Variants in GALNT13 observed in about 807,000 individuals in gnomAD.
GALNT13 encodes polypeptide N-acetylgalactosaminyltransferase 13, also known as UDP-GalNAc:polypeptide N-acetylgalactosaminyltransferase 13.
Under a neutral mutation model 64.2 loss-of-function variants are expected in GALNT13, and 28 were observed. That is an observed-to-expected ratio of 0.44 (90% CI 0.32 to 0.60). The LOEUF (loss-of-function observed/expected upper bound fraction) is 0.60. GALNT13 is among the 20% of genes least tolerant of loss of function. The pLI is 0.05. For synonymous variants in GALNT13, 214 were observed against 224.6 expected, an observed-to-expected ratio of 0.95 and a Z score of 0.42; for missense variants, 577 against 669.8, an observed-to-expected ratio of 0.86 and a Z score of 1.53.
At chr2:153,437,431 A>T in the GALNT13 span, among the ~76,000 whole-genome samples, 1 of 152,048 alleles carries the variant, frequency 6.6e-6, no homozygotes, top group Admixed American at 6.6e-5. Context: ...TGGGGTGTTA[A>T]AGTCTCCCAC....
intron 3 of GALNT13, among the ~76,000 whole-genome samples, chr2:154,122,896 G>A (rs986428432): frequency 1.6e-4 from 24 of 150,650 alleles, no homozygotes; most frequent in African/African-American, 5.1e-4. Flanking sequence ...TTCAAACTGT[G>A]GAAAACTAAA....
At chr2:154,154,715 A>G (rs963536772) in intron 4 of GALNT13, among the ~76,000 whole-genome samples, 13 of 152,164 alleles carry the variant, frequency 8.5e-5, no homozygotes, top group Non-Finnish European at 1.6e-4. Context: ...GAGGGATGGC[A>G]TGCGGTTGAA....
the GALNT13 span, among the ~76,000 whole-genome samples, chr2:153,176,139 A>C: frequency 6.6e-6 from 1 of 152,192 alleles, no homozygotes; most frequent in Non-Finnish European, 1.5e-5. Context: ...GATCTGATAA[A>C]CTCTGAATCA....
chr2:154,067,002 G>A (rs769616856), intron 3 of GALNT13, among the ~76,000 whole-genome samples: 3 of 152,022 alleles, frequency 2.0e-5, no homozygotes, highest in Non-Finnish European at 4.4e-5. Context: ...CAAAGTTAAA[G>A]TACAGTGTTT....
At chr2:153,261,133 TC>T in the GALNT13 span, among the ~76,000 whole-genome samples, 1 of 152,122 alleles carries the variant, frequency 6.6e-6, no homozygotes, top group Non-Finnish European at 1.5e-5. Flanking sequence ...TTATTGAGCT[TC>T]CCCCAAAGAG....
At chr2:154,024,072 T>A (rs1641941930) in intron 3 of GALNT13, among the ~76,000 whole-genome samples, 1 of 152,234 alleles carries the variant, frequency 6.6e-6, no homozygotes, top group Non-Finnish European at 1.5e-5. Flanking sequence ...CAGCTGTTAG[T>A]CTGATGGGCT....
At chr2:153,608,367 GTTGAGAAAGCAA>G in the GALNT13 span, among the ~76,000 whole-genome samples, 30 of 152,204 alleles carry the variant, frequency 2.0e-4, no homozygotes, top group Admixed American at 3.3e-4. Flanking sequence ...GGCAGAGTGT[GTTGAGAAAGCAA>G]TAAGATTATG....
At chr2:154,027,305 G>A (rs936541363) in intron 3 of GALNT13, among the ~76,000 whole-genome samples, 2 of 152,058 alleles carry the variant, frequency 1.3e-5, no homozygotes, top group African/African-American at 2.4e-5. Flanking sequence ...AGTGAACAAT[G>A]TCAGTAACGT....
At chr2:153,905,938 T>A (rs1184224899) in intron 2 of GALNT13, among the ~76,000 whole-genome samples, 2 of 151,888 alleles carry the variant, frequency 1.3e-5, no homozygotes, top group African/African-American at 2.4e-5. Context: ...GGGTTGTGAA[T>A]GTAGCATGAG....
the GALNT13 span, among the ~76,000 whole-genome samples, chr2:153,171,721 T>C: frequency 9.9e-5 from 15 of 152,216 alleles, no homozygotes; most frequent in Non-Finnish European, 2.2e-4. Context: ...AAACTGTGTT[T>C]TATGACACAG....
the GALNT13 span, among the ~76,000 whole-genome samples, chr2:153,656,195 G>A: frequency 6.6e-6 from 1 of 152,066 alleles, no homozygotes; most frequent in Non-Finnish European, 1.5e-5. Flanking sequence ...TGTTCTGTCA[G>A]ATAATGAGGA....
At chr2:153,480,144 C>T in the GALNT13 span, among the ~76,000 whole-genome samples, 1 of 152,142 alleles carries the variant, frequency 6.6e-6, no homozygotes, top group Non-Finnish European at 1.5e-5. Flanking sequence ...TAAATATGTA[C>T]AGTTGTCAAT....
the GALNT13 span, among the ~76,000 whole-genome samples, chr2:153,754,109 A>C: frequency 1 from 152,174 of 152,212 alleles, 76,069 homozygotes; most frequent in Middle Eastern, 1. Flanking sequence ...AGTGGACTAC[A>C]CTCTGGCCCA....
intron 1 of GALNT13, among the ~76,000 whole-genome samples, chr2:153,887,015 T>C (rs1437810955): frequency 6.6e-6 from 1 of 151,992 alleles, no homozygotes; most frequent in African/African-American, 2.4e-5. Flanking sequence ...GACAGTTACA[T>C]AGCCTGCATG....
intron 3 of GALNT13, among the ~76,000 whole-genome samples, chr2:154,054,372 A>G (rs1699795426): frequency 6.6e-6 from 1 of 152,018 alleles, no homozygotes; most frequent in South Asian, 2.1e-4. Flanking sequence ...ATGAACTGAC[A>G]TTCTTTTCCT....
At chr2:154,178,900 A>T (rs1441058532) in intron 4 of GALNT13, among the ~76,000 whole-genome samples, 1 of 152,210 alleles carries the variant, frequency 6.6e-6, no homozygotes, top group Non-Finnish European at 1.5e-5. Context: ...CAACATTTAA[A>T]ACTCCTTCAG....
chr2:153,357,158 C>CT, the GALNT13 span: 2 of 152,160 alleles, frequency 1.3e-5, no homozygotes, highest in Admixed American at 1.3e-4. Flanking sequence ...GTAAATACTT[C>CT]TTTTTCTGTA....
At chr2:153,630,807 A>ATATTTATTTATTTTT in the GALNT13 span, among the ~76,000 whole-genome samples, 1 of 21,990 alleles carries the variant, frequency 4.5e-5, no homozygotes, top group Non-Finnish European at 7.5e-5. Flanking sequence ...ATATATATAT[A>ATATTTATTTATTTTT]TTTTTTTTTT....
At chr2:154,287,068 G>T in intron 8 of GALNT13, 1 of 746,736 alleles carries the variant, frequency 1.3e-6, no homozygotes. Flanking sequence ...TCATCTTTGG[G>T]CTCATCCACC....
Sources: allele counts gnomAD v4.1 joint callset (sites outside exome capture counted in the v4.1 genomes callset), GRCh38; gene constraint gnomAD v4.1.1; transcripts MANE v1.5; gene names NCBI Gene and HGNC (gene_info 2026-07-23, HGNC 2026-07-21).